ERICH2: variants seen among roughly 807,000 people sequenced by gnomAD.
ERICH2 encodes the protein glutamate-rich protein 2.
ERICH2 carries 17 observed loss-of-function variants against 17.4 expected under a neutral mutation model. The ratio of observed to expected loss-of-function variants is 0.98; its 90% CI spans 0.67 to 1.47. The LOEUF (loss-of-function observed/expected upper bound fraction) is 1.47. Ranked by LOEUF, ERICH2 falls within the 40% of genes most tolerant of loss-of-function variation. ERICH2 has a pLI of 0.00. For synonymous variants in ERICH2, 51 were observed against 61.1 expected, an observed-to-expected ratio of 0.83 and a Z score of 0.77; for missense variants, 186 against 183.2, an observed-to-expected ratio of 1.01 and a Z score of -0.09.
At chr2:170,778,102 T>A in the ERICH2 span, 1 of 154,754 alleles carries the variant, frequency 6.5e-6, no homozygotes, top group Non-Finnish European at 1.4e-5. Context: ...TCACCTCAAC[T>A]AGTTGAAGAA....
intron 1 of ERICH2, chr2:170,783,904 T>C: frequency 6.4e-7 from 1 of 1,550,412 alleles, no homozygotes; most frequent in Non-Finnish European, 8.7e-7. Context: ...CGTCATACTC[T>C]TGGAAGAACT....
At chr2:170,791,868 A>C (rs182714742) in intron 2 of ERICH2, among the ~76,000 whole-genome samples, 2 of 152,262 alleles carry the variant, frequency 1.3e-5, no homozygotes, top group Admixed American at 6.5e-5. Flanking sequence ...GTAGAGAACT[A>C]CTTCTGAAAA....
At chr2:170,780,014 C>A, upstream of ERICH2, 1 of 205,396 alleles carries the variant, frequency 4.9e-6, no homozygotes, top group Non-Finnish European at 8.6e-6. Flanking sequence ...ACTAAATATA[C>A]CCAACATGCT....
At chr2:170,797,285 A>C (rs537202432) in intron 3 of ERICH2, among the ~76,000 whole-genome samples, 1 of 152,324 alleles carries the variant, frequency 6.6e-6, no homozygotes, top group East Asian at 1.9e-4. Context: ...TTCCGATGAG[A>C]CCTTTAGTAA....
intron 3 of ERICH2, among the ~76,000 whole-genome samples, chr2:170,797,513 G>A (rs979439940): frequency 3.3e-5 from 5 of 152,128 alleles, no homozygotes; most frequent in Non-Finnish European, 5.9e-5. Context: ...AAAATATAAT[G>A]AGGGCTGGGT....
chr2:170,796,426 T>C (rs150504482), intron 3 of ERICH2, among the ~76,000 whole-genome samples: 2 of 8,082 alleles, frequency 2.5e-4, no homozygotes, highest in African/African-American at 3.3e-4. Flanking sequence ...CTCTCTCTCT[T>C]TGTTTTTTTT....
At chr2:170,797,164 A>T (rs1701446387) in intron 3 of ERICH2, among the ~76,000 whole-genome samples, 1 of 152,236 alleles carries the variant, frequency 6.6e-6, no homozygotes, top group Non-Finnish European at 1.5e-5. Flanking sequence ...AGTTGTCAAG[A>T]TGAAGAGAAA....
At chr2:170,784,892 C>T (rs1425344488) in intron 2 of ERICH2, 59 bp downstream of exon 7, 1 of 1,279,358 alleles carries the variant, frequency 7.8e-7, no homozygotes, top group Non-Finnish European at 1.0e-6. Flanking sequence ...TAACTAAAGA[C>T]TGAAGATTTA....
chr2:170,784,245 TATTTCCC>T (rs896603664), intron 1 of ERICH2, among the ~76,000 whole-genome samples: 2 of 152,342 alleles, frequency 1.3e-5, no homozygotes, highest in East Asian at 3.9e-4. Context: ...CACTCAGTAG[TATTTCCC>T]CAGGAGATGA....
chr2:170,776,304 A>C, the ERICH2 span, among the ~76,000 whole-genome samples: 1 of 152,352 alleles, frequency 6.6e-6, no homozygotes, highest in Non-Finnish European at 1.5e-5. Context: ...TTTATTAAAA[A>C]TACCATAGCT....
chr2:170,792,978 C>A (rs751838087), intron 3 of ERICH2, 58 bp downstream of exon 8: 39 of 1,026,208 alleles, frequency 3.8e-5, no homozygotes, highest in Non-Finnish European at 4.8e-5. Flanking sequence ...AAAATGAATT[C>A]CGTAATATAT....
At chr2:170,778,830 C>G (rs912105031), upstream of ERICH2, among the ~76,000 whole-genome samples, 1 of 152,048 alleles carries the variant, frequency 6.6e-6, no homozygotes, top group African/African-American at 2.4e-5. Flanking sequence ...CAATGAGCCC[C>G]AATGTTCTTT....
At chr2:170,788,533 G>A (rs554178753) in intron 2 of ERICH2, among the ~76,000 whole-genome samples, 10 of 151,948 alleles carry the variant, frequency 6.6e-5, no homozygotes, top group Admixed American at 2.6e-4. Context: ...GTTCAGTGGC[G>A]TGATCTCGGC....
the ERICH2 span, chr2:170,770,894 C>G: frequency 6.7e-6 from 1 of 148,844 alleles, no homozygotes; most frequent in Non-Finnish European, 1.5e-5. Flanking sequence ...TCGCCGCGCC[C>G]GCTCCGTCCC....
At chr2:170,777,911 A>G in the ERICH2 span, 1 of 383,596 alleles carries the variant, frequency 2.6e-6, no homozygotes. Flanking sequence ...ATTCACTTCT[A>G]CTTTTTAATG....
At chr2:170,781,439 A>G (rs1701025759), upstream of ERICH2, among the ~76,000 whole-genome samples, 1 of 151,908 alleles carries the variant, frequency 6.6e-6, no homozygotes, top group Non-Finnish European at 1.5e-5. Flanking sequence ...TTCAAGACCA[A>G]CCTGGCCAAG....
At chr2:170,792,888 A>G (rs772952905) in exon 3 of ERICH2, 144 of 1,518,858 alleles carry the variant, frequency 9.5e-5, no homozygotes, top group Non-Finnish European at 1.3e-4. Context: ...ATGGCCCGAG[A>G]GTACCAGCTG....
At chr2:170,796,296 T>C (rs1368105571) in intron 3 of ERICH2, among the ~76,000 whole-genome samples, 1 of 152,184 alleles carries the variant, frequency 6.6e-6, no homozygotes, top group African/African-American at 2.4e-5. Flanking sequence ...GATGACAAAT[T>C]GTTAGTTATG....
At chr2:170,791,582 A>G (rs1032660595) in intron 2 of ERICH2, among the ~76,000 whole-genome samples, 4 of 149,946 alleles carry the variant, frequency 2.7e-5, no homozygotes, top group Non-Finnish European at 5.9e-5. Flanking sequence ...CCCAGCTACT[A>G]CAGAGGCTGA....
Sources: allele counts gnomAD v4.1 joint callset (sites outside exome capture counted in the v4.1 genomes callset), GRCh38; gene constraint gnomAD v4.1.1; transcripts MANE v1.5; gene names NCBI Gene and HGNC (gene_info 2026-07-23, HGNC 2026-07-21).